CERS6: variants seen among roughly 807,000 people sequenced by gnomAD.
The protein encoded by CERS6 is LAG1 homolog, ceramide synthase 6.
CERS6 carries 26 observed loss-of-function variants against 56.8 expected under a neutral mutation model. The observed-to-expected ratio is 0.46, with a 90% CI of 0.34 to 0.63. The LOEUF (loss-of-function observed/expected upper bound fraction) is 0.63. CERS6 is among the 30% of genes least tolerant of loss of function. The pLI is 0.01. For synonymous variants in CERS6, 164 were observed against 173.3 expected, an observed-to-expected ratio of 0.95 and a Z score of 0.42; for missense variants, 415 against 467.5, an observed-to-expected ratio of 0.89 and a Z score of 1.04.
chr2:168,630,164 CTT>C (rs200868384), intron 3 of CERS6, among the ~76,000 whole-genome samples: 2,610 of 147,006 alleles, frequency 0.018, 99 homozygotes, highest in East Asian at 0.16. Context: ...TACAAGATAA[CTT>C]TTTTTTTTTA....
intron 3 of CERS6, among the ~76,000 whole-genome samples, chr2:168,573,965 C>G (rs1163313593): frequency 2.0e-5 from 3 of 152,162 alleles, no homozygotes; most frequent in African/African-American, 7.2e-5. Flanking sequence ...ACCTGTAGCA[C>G]TAGTTGATAG....
rs114799152 is a variant in CERS6, at chr2:168,691,339, A to G, written c.516+255A>G. Among the ~76,000 whole-genome samples, 1,324 of 152,292 alleles carry G rather than the reference A, an allele frequency of 8.7e-3. 18 individuals are homozygous for G. Among genetic ancestry groups the G allele is most frequent in the African/African-American group, 0.03 (1,238 of 41,556 alleles). On this transcript the variant is annotated intron_variant, in intron 5 of 9. Coordinates refer to ENST00000305747, the MANE Select transcript of CERS6 (RefSeq NM_203463.3). ...GTACATTTACAAGGGAATAGGATCA[A>G]TTAGTTCAACTGGTGGAAATTCCTG...
chr2:168,628,791 A>T (rs1001684288), intron 3 of CERS6, among the ~76,000 whole-genome samples: 6 of 151,864 alleles, frequency 4.0e-5, no homozygotes, highest in African/African-American at 1.5e-4. Context: ...TTCACTGTTA[A>T]TCACATTTTT....
At chr2:168,510,926 A>G (rs1694768136) in intron 1 of CERS6, among the ~76,000 whole-genome samples, 1 of 152,240 alleles carries the variant, frequency 6.6e-6, no homozygotes, top group African/African-American at 2.4e-5. Context: ...AATAGAGACA[A>G]GCTAAGCAAA....
chr2:168,514,420 A>G (rs1429249443), intron 1 of CERS6, among the ~76,000 whole-genome samples: 2 of 152,148 alleles, frequency 1.3e-5, no homozygotes, highest in African/African-American at 2.4e-5. Flanking sequence ...ATTACAAGTA[A>G]TTCAGGATAG....
At chr2:168,645,142 T>TAG (rs35865470) in intron 4 of CERS6, among the ~76,000 whole-genome samples, 322 of 12,732 alleles carry the variant, frequency 0.025, 19 homozygotes, top group Middle Eastern at 0.14. Context: ...TATATATATA[T>TAG]AGAGAGAGAG....
At chr2:168,657,061 G>C (rs548506619) in intron 4 of CERS6, among the ~76,000 whole-genome samples, 1 of 150,288 alleles carries the variant, frequency 6.7e-6, no homozygotes, top group East Asian at 2.0e-4. Context: ...ACAGAGTGCC[G>C]ATTGGTGTAT....
intron 1 of CERS6, among the ~76,000 whole-genome samples, chr2:168,524,456 A>C (rs529347856): frequency 1.7e-3 from 262 of 152,340 alleles, no homozygotes; most frequent in Middle Eastern, 0.017. Flanking sequence ...CAGATAGCTC[A>C]GTGCTGCTCC....
chr2:168,680,428 A>G (rs978704724), intron 4 of CERS6, among the ~76,000 whole-genome samples: 6 of 152,242 alleles, frequency 3.9e-5, no homozygotes, highest in Admixed American at 2.6e-4. Context: ...GGCTTGGTCC[A>G]TGAGCTATAG....
chr2:168,732,082 A>G (rs2105413665), intron 8 of CERS6, among the ~76,000 whole-genome samples: 1 of 152,288 alleles, frequency 6.6e-6, no homozygotes, highest in Admixed American at 6.5e-5. Flanking sequence ...TAAGTAATGA[A>G]TTATTCATGG....
chr2:168,576,289 GTAAATTCCT>G (rs1371732536), intron 3 of CERS6, among the ~76,000 whole-genome samples: 2 of 152,148 alleles, frequency 1.3e-5, no homozygotes, highest in Non-Finnish European at 2.9e-5. Context: ...TCTGCAGACT[GTAAATTCCT>G]TCATGACAAA....
chr2:168,768,186 A>G (rs1042104947), intron 9 of CERS6, among the ~76,000 whole-genome samples: 2 of 151,582 alleles, frequency 1.3e-5, no homozygotes, highest in African/African-American at 4.9e-5. Flanking sequence ...TGAATGGAGG[A>G]TTGAAGAGAC....
At chr2:168,512,673 T>C (rs1177234070) in intron 1 of CERS6, among the ~76,000 whole-genome samples, 1 of 143,140 alleles carries the variant, frequency 7.0e-6, no homozygotes, top group South Asian at 2.1e-4. Context: ...TCTTTTCTTT[T>C]TTTTTTTTTT....
intron 3 of CERS6, among the ~76,000 whole-genome samples, chr2:168,568,880 A>AAC (rs1695932043): frequency 6.6e-6 from 1 of 152,232 alleles, no homozygotes; most frequent in African/African-American, 2.4e-5. Flanking sequence ...TTAGGGACAC[A>AAC]ACACTCAGAA....
At chr2:168,669,566 C>T (rs186867038) in intron 4 of CERS6, among the ~76,000 whole-genome samples, 30 of 152,260 alleles carry the variant, frequency 2.0e-4, no homozygotes, top group Non-Finnish European at 3.4e-4. Flanking sequence ...GATAAAGCCA[C>T]CCTCTTCATA....
At chr2:168,744,624 G>C (rs1684045000) in intron 8 of CERS6, among the ~76,000 whole-genome samples, 1 of 152,208 alleles carries the variant, frequency 6.6e-6, no homozygotes, top group African/African-American at 2.4e-5. Context: ...TTTAAAGCTT[G>C]AGGCTCTGCT....
chr2:168,522,118 T>C (rs1335293566), intron 1 of CERS6, among the ~76,000 whole-genome samples: 1 of 152,236 alleles, frequency 6.6e-6, no homozygotes, highest in Non-Finnish European at 1.5e-5. Flanking sequence ...TGGAAAATTT[T>C]ACCGACTATA....
intron 1 of CERS6, among the ~76,000 whole-genome samples, chr2:168,509,093 C>G (rs1290352199): frequency 3.9e-5 from 6 of 152,132 alleles, no homozygotes; most frequent in African/African-American, 1.4e-4. Context: ...CAGACTAATT[C>G]ATTCTTGGCA....
At position 168,545,356 on chromosome 2, in the gene CERS6, T is replaced by C. The variant is rs144038456; in HGVS notation, c.171-2240T>C. Among the ~76,000 whole-genome samples, 60 of 152,362 alleles carry C rather than the reference T, an allele frequency of 3.9e-4. 1 individual carries two copies. The highest frequency in any genetic ancestry group is 6.8e-3 in the Middle Eastern group (2 of 294). On this transcript the variant is annotated intron_variant, in intron 1 of 9. Coordinates refer to ENST00000305747, the MANE Select transcript of CERS6 (RefSeq NM_203463.3). ...CATATTTATTTGATAATTTTGATTA[T>C]TGAAATTTGATAAGTTGTCAATTAA... is the stretch of plus-strand genomic sequence containing the variant.
Sources: allele counts gnomAD v4.1 joint callset (sites outside exome capture counted in the v4.1 genomes callset), GRCh38; gene constraint gnomAD v4.1.1; transcripts MANE v1.5; gene names NCBI Gene and HGNC (gene_info 2026-07-23, HGNC 2026-07-21).